The following DENND4C variants were observed in gnomAD, a reference collection of about 807,000 sequenced individuals.
DENND4C encodes DENN domain containing 4C.
Under a neutral mutation model 203.0 loss-of-function variants are expected in DENND4C, and 108 were observed. The observed-to-expected ratio is 0.53, with a 90% CI of 0.46 to 0.62. The LOEUF (loss-of-function observed/expected upper bound fraction) is 0.62. Ranked by LOEUF, DENND4C falls within the 20% of genes least tolerant of loss-of-function variation. DENND4C has a pLI of 0.00. For missense variants in DENND4C, 2,481 were observed against 2,301.2 expected (o/e 1.08, Z -1.60); for synonymous variants, 871 against 792.4 (o/e 1.10, Z -1.67).
At chr9:19,232,380 T>G (rs1588697164) in intron 1 of DENND4C, among the ~76,000 whole-genome samples, 1 of 152,166 alleles carries the variant, frequency 6.6e-6, no homozygotes, top group African/African-American at 2.4e-5. Context: ...GGTCTGATCT[T>G]TTGTATAACC....
rs192492251 is a variant in DENND4C, at chr9:19,311,967, T to C, written c.1488-4450T>C. Among the ~76,000 whole-genome samples, 437 of 152,310 alleles carry C rather than the reference T, an allele frequency of 2.9e-3. 2 individuals are homozygous for C. Among genetic ancestry groups the C allele is most frequent in the Non-Finnish European group, 4.4e-3 (296 of 68,020 alleles). On this transcript the variant is annotated intron_variant, in intron 10 of 32. Transcript: ENST00000434457. Reference sequence around the variant, plus strand: ...CATTTTATTTTGTATGAAATCATGTTTGTTCAAAATAGAAAAAGAAAAATC... The same window carrying C: ...CATTTTATTTTGTATGAAATCATGTCTGTTCAAAATAGAAAAAGAAAAATC...
intron 20 of DENND4C, among the ~76,000 whole-genome samples, chr9:19,339,888 G>A (rs1012043649): frequency 6.6e-6 from 1 of 152,106 alleles, no homozygotes; most frequent in Non-Finnish European, 1.5e-5. Flanking sequence ...AGTATGGACT[G>A]ATGTACTCCT....
At chr9:19,350,953 G>A (rs1823982101) in intron 24 of DENND4C, 74 bp downstream of exon 24, 8 of 1,452,780 alleles carry the variant, frequency 5.5e-6, no homozygotes, top group Non-Finnish European at 7.4e-6. Flanking sequence ...TTAAGAGACG[G>A]GGTTTTGTCT....
Position 19,356,946 on chromosome 9 carries a change from C to G in DENND4C, c.4782-26C>G, listed in dbSNP as rs566914288. ...GAAAACTTGAGGATTTTTAAAGGCT[C>G]TTTTTCCCCCCTTTTCCTTATGTAG... is the stretch of plus-strand genomic sequence containing the variant. On this transcript the variant is annotated intron_variant, in intron 26 of 32. Transcript: ENST00000434457. 5.0e-6 allele frequency: 8 copies of G among 1,601,810 alleles called. No individual in the cohort carries two copies. The Admixed American group carries it at 1.0e-4, about 21-fold the overall frequency.
chr9:19,279,861 A>G (rs1833679980), intron 2 of DENND4C, among the ~76,000 whole-genome samples: 1 of 151,638 alleles, frequency 6.6e-6, no homozygotes, highest in Admixed American at 6.6e-5. Flanking sequence ...ATCTATTTTT[A>G]ACAAAATTCC....
At chr9:19,242,922 G>A (rs1824139731) in intron 1 of DENND4C, among the ~76,000 whole-genome samples, 2 of 152,070 alleles carry the variant, frequency 1.3e-5, no homozygotes, top group Non-Finnish European at 2.9e-5. Flanking sequence ...CCAAAGTGCT[G>A]GGATTACAGG....
rs997571628 is a variant in DENND4C, at chr9:19,324,649, G to C, written c.1953+142G>C. On this transcript the variant is annotated intron_variant, in intron 13 of 32. Transcript: ENST00000434457. ...TGTGTGTATGTGTTACCGATTCTGG[G>C]CTGAATATATGAATAAAATTCTTTG... is the stretch of plus-strand genomic sequence containing the variant. 22 of 821,062 alleles carry C rather than the reference G, an allele frequency of 2.7e-5. No individual in the cohort carries two copies. In the Admixed American group the frequency reaches 6.3e-4, roughly 23 times the overall value. The allele number at this position is 821,062 out of a possible 1,614,324, so 50.9% of individuals were successfully genotyped here. A position where few individuals can be genotyped will look rare whatever the true frequency, so the allele number is the denominator to read the frequency against.
intron 16 of DENND4C, 116 bp downstream of exon 16, chr9:19,328,278 T>C (rs1210449023): frequency 1.8e-6 from 2 of 1,085,458 alleles, no homozygotes; most frequent in Non-Finnish European, 2.6e-6. Flanking sequence ...CTCACTTTGG[T>C]TGTTATTGAA....
chr9:19,250,788 C>T (rs891125443), intron 1 of DENND4C, among the ~76,000 whole-genome samples: 7 of 152,198 alleles, frequency 4.6e-5, no homozygotes, highest in Non-Finnish European at 7.3e-5. Flanking sequence ...CAATGATCTC[C>T]TTTGACTCCA....
intron 1 of DENND4C, among the ~76,000 whole-genome samples, chr9:19,251,855 C>T (rs546632903): frequency 2.6e-5 from 4 of 152,318 alleles, no homozygotes; most frequent in South Asian, 4.1e-4. Flanking sequence ...GTCCATATCA[C>T]GATCAGCATT....
intron 1 of DENND4C, among the ~76,000 whole-genome samples, chr9:19,249,533 G>C (rs1042830706): frequency 6.6e-6 from 1 of 152,136 alleles, no homozygotes; most frequent in Non-Finnish European, 1.5e-5. Flanking sequence ...TGGGATTATA[G>C]GTGTAAGCCA....
At chr9:19,352,353 C>T (rs2132083342) in intron 25 of DENND4C, 137 bp from the exon 26 acceptor site, 2 of 1,033,476 alleles carry the variant, frequency 1.9e-6, no homozygotes, top group South Asian at 3.7e-5. Context: ...GGTAGTTTAC[C>T]TGTGAAATAA....
chr9:19,256,281 CT>C (rs1454730615), intron 1 of DENND4C, among the ~76,000 whole-genome samples: 2 of 131,664 alleles, frequency 1.5e-5, no homozygotes, highest in African/African-American at 2.8e-5. Context: ...AAAAATTTTT[CT>C]TTTTTTTCTT....
At chr9:19,302,799 C>T (rs572399639) in intron 9 of DENND4C, among the ~76,000 whole-genome samples, 13 of 152,162 alleles carry the variant, frequency 8.5e-5, no homozygotes, top group Admixed American at 3.9e-4. Context: ...TTCCCCATAC[C>T]TTAAGGCCTC....
chr9:19,305,963 A>G (rs1839569372), intron 10 of DENND4C, among the ~76,000 whole-genome samples: 1 of 152,212 alleles, frequency 6.6e-6, no homozygotes, highest in Non-Finnish European at 1.5e-5. Context: ...CGGGATTTTA[A>G]TTTTATAAGG....
chr9:19,285,209 C>G (rs993987097), intron 2 of DENND4C, among the ~76,000 whole-genome samples: 1 of 152,018 alleles, frequency 6.6e-6, no homozygotes. Context: ...GTTTCATTGT[C>G]TTTCTGTTCA....
chr9:19,291,910 AG>A (rs1209794843), intron 5 of DENND4C, among the ~76,000 whole-genome samples: 2 of 152,172 alleles, frequency 1.3e-5, no homozygotes, highest in Admixed American at 1.3e-4. Context: ...ACATCCTAAG[AG>A]CTAATGGTTG....
chr9:19,245,179 T>C (rs1824842523), intron 1 of DENND4C, among the ~76,000 whole-genome samples: 1 of 152,054 alleles, frequency 6.6e-6, no homozygotes, highest in Admixed American at 6.6e-5. Flanking sequence ...TTTAAAAAAG[T>C]GTTCCAGGGC....
At chr9:19,253,618 C>A (rs1827200385) in intron 1 of DENND4C, among the ~76,000 whole-genome samples, 1 of 152,130 alleles carries the variant, frequency 6.6e-6, no homozygotes, top group Admixed American at 6.6e-5. Context: ...GTTCATCATT[C>A]ATTTTGCATG....
Sources: gnomAD v4.1 joint callset for allele counts (sites outside exome capture counted in the v4.1 genomes callset) on GRCh38, gnomAD v4.1.1 for gene constraint, MANE v1.5 for transcripts, NCBI Gene and HGNC (gene_info 2026-07-23, HGNC 2026-07-21) for gene names.